The following VAPA variants were observed in gnomAD, a reference collection of about 807,000 sequenced individuals.
VAPA encodes vesicle-associated membrane protein-associated protein A.
A neutral mutation model predicts 25.6 loss-of-function variants in VAPA; 6 were observed. The observed-to-expected ratio is 0.23, with a 90% CI of 0.13 to 0.46. The LOEUF is 0.46. VAPA is among the 20% of genes least tolerant of loss of function. VAPA has a pLI of 0.99. For missense variants in VAPA, 244 were observed against 302.1 expected, an observed-to-expected ratio of 0.81 and a Z score of 1.43; for synonymous variants, 112 against 106.2, an observed-to-expected ratio of 1.05 and a Z score of -0.34.
chr18:9,915,711 T>C (rs1264978744), intron 1 of VAPA: 1 of 152,242 alleles, frequency 6.6e-6, no homozygotes, highest in Non-Finnish European at 1.5e-5. Flanking sequence ...GGTTTAGGAA[T>C]TTAAAATATA....
chr18:9,936,868 C>G, intron 3 of VAPA, 118 bp from the exon 4 acceptor site: 1 of 729,550 alleles, frequency 1.4e-6, no homozygotes, highest in Non-Finnish European at 2.4e-6. Context: ...AAAGAGTGCA[C>G]CAGTGTGTTT....
At chr18:9,915,773 G>A (rs2069107153) in intron 1 of VAPA, 1 of 152,170 alleles carries the variant, frequency 6.6e-6, no homozygotes, top group African/African-American at 2.4e-5. Context: ...GCTTTTTAGT[G>A]CGTTTACAAA....
intron 1 of VAPA, among the ~76,000 whole-genome samples, chr18:9,930,699 TAAA>T (rs1555615841): frequency 1.1e-3 from 167 of 150,406 alleles, no homozygotes; most frequent in African/African-American, 3.9e-3. Context: ...GCTTTTTTTT[TAAA>T]AAAAAAATGC....
At chr18:9,922,825 T>C (rs2069168424) in intron 1 of VAPA, among the ~76,000 whole-genome samples, 1 of 152,206 alleles carries the variant, frequency 6.6e-6, no homozygotes, top group South Asian at 2.1e-4. Context: ...TCATTTCCTG[T>C]GCCATTGAAT....
chr18:9,929,470 C>G (rs532196528), intron 1 of VAPA, among the ~76,000 whole-genome samples: 1 of 152,126 alleles, frequency 6.6e-6, no homozygotes, highest in Non-Finnish European at 1.5e-5. Context: ...TACAACCCCT[C>G]CATCCCTGAA....
At chr18:9,942,386 TCTC>T (rs568941939) in intron 4 of VAPA, among the ~76,000 whole-genome samples, 3 of 152,194 alleles carry the variant, frequency 2.0e-5, no homozygotes, top group African/African-American at 7.2e-5. Flanking sequence ...GTTGATGCAC[TCTC>T]CTCAAATATT....
chr18:9,921,038 C>T (rs2069152724), intron 1 of VAPA, among the ~76,000 whole-genome samples: 1 of 152,214 alleles, frequency 6.6e-6, no homozygotes, highest in South Asian at 2.1e-4. Flanking sequence ...TACATATTCT[C>T]CCCTCCCAAA....
rs565751340 is a variant in VAPA, at chr18:9,957,316, C to T, written c.*3105C>T. The T allele has an allele frequency of 6.6e-6, 1 of 152,294 alleles. No individual in the cohort carries two copies. Among genetic ancestry groups the T allele is most frequent in the South Asian group, 2.1e-4 (1 of 4,822 alleles). 9.4% of individuals were successfully genotyped at this position (152,294 alleles called of 1,614,324 possible). Reference sequence around the variant, plus strand: ...GGGATTACAGGTGTGAGCTGCCGCACCCAGCCAAGAAAAATAATACTCTTA... The same window carrying T: ...GGGATTACAGGTGTGAGCTGCCGCATCCAGCCAAGAAAAATAATACTCTTA... On this transcript the variant is annotated 3_prime_UTR_variant, in exon 6 of 6. Transcript: ENST00000400000.
chr18:9,943,831 A>C (rs1288182319), intron 4 of VAPA, among the ~76,000 whole-genome samples: 1 of 130,686 alleles, frequency 7.7e-6, no homozygotes, highest in Admixed American at 8.1e-5. Flanking sequence ...TTTGAAGGTG[A>C]CATATTTCCC....
At chr18:9,948,174 A>T (rs188810647) in intron 4 of VAPA, 2 of 152,176 alleles carry the variant, frequency 1.3e-5, no homozygotes, top group Non-Finnish European at 2.9e-5. Context: ...ATCTAATTCT[A>T]TTTGCTTAGA....
rs776329993 is a variant in VAPA at position 9,936,208 on chromosome 18, G to T, written c.331G>T (p.Ala111Ser). 6.3e-7 allele frequency: 1 copy of T among 1,595,570 alleles called. No homozygotes were observed. The highest frequency in any genetic ancestry group is 8.5e-7 in the Non-Finnish European group (1 of 1,169,638). Reference protein sequence around the residue: ...FAPPNTSDMEAVWKEAKPDEL... With the variant: ...FAPPNTSDMESVWKEAKPDEL... ...TCCACCAAACACTTCAGATATGGAAGCTGTGGTAAGTATAGAAGAAGAATT... is the reference window on the plus strand; with the variant it reads ...TCCACCAAACACTTCAGATATGGAATCTGTGGTAAGTATAGAAGAAGAATT... Residue 111 changes from alanine to serine, a missense_variant, in exon 3 of 6, where the codon GCT becomes TCT. This residue lies in a region of VAPA where 99 missense variants were observed against 161.6 expected (regional missense o/e 0.61). Coordinates refer to ENST00000400000, the MANE Select transcript of VAPA (RefSeq NM_194434.3).
At chr18:9,925,398 TATG>T (rs2069192121) in intron 1 of VAPA, among the ~76,000 whole-genome samples, 2 of 152,180 alleles carry the variant, frequency 1.3e-5, no homozygotes, top group Admixed American at 6.5e-5. Context: ...TCCATACTTT[TATG>T]ATGTTAGTGA....
rs76630845 is a variant in VAPA at position 9,939,352 on chromosome 18, C to T, written c.417+2286C>T. On this transcript the variant is annotated intron_variant, in intron 4 of 5. Transcript: ENST00000400000. ...CTAATTTTTGTATTTTTTGTAGAGA[C>T]GGGATTTTGCCAGGTTGGTCTCAAA... Among the ~76,000 whole-genome samples the T allele has an allele frequency of 7.0e-4, 106 of 151,814 alleles. No homozygotes were observed. In the East Asian group the frequency reaches 0.017, roughly 24 times the overall value.
intron 1 of VAPA, among the ~76,000 whole-genome samples, chr18:9,922,509 A>T (rs2069165454): frequency 6.6e-6 from 1 of 152,166 alleles, no homozygotes; most frequent in African/African-American, 2.4e-5. Context: ...AATCAGGTAT[A>T]CCTGGTCTCA....
At chr18:9,951,344 G>T (rs1434873523) in intron 5 of VAPA, 1 of 152,228 alleles carries the variant, frequency 6.6e-6, no homozygotes, top group Non-Finnish European at 1.5e-5. Flanking sequence ...CCTTTGCTGG[G>T]ACCCTCTCCA....
At position 9,934,265 on chromosome 18, in the gene VAPA, A is replaced by G. The variant is rs552914964; in HGVS notation, c.233-1845A>G. Among the ~76,000 whole-genome samples the G allele has an allele frequency of 1.7e-3, 265 of 152,180 alleles. 1 individual carries two copies. Among genetic ancestry groups the G allele is most frequent in the Admixed American group, 3.6e-3 (55 of 15,282 alleles). ...TTTGAATTTGCTTCAATTTGTGCAC[A>G]TTTTTATATATGTTTTCAAGATCGT... On this transcript the variant is annotated intron_variant, in intron 2 of 5. Coordinates refer to ENST00000400000, the MANE Select transcript of VAPA (RefSeq NM_194434.3).
rs1160239976 is a variant in VAPA, at chr18:9,956,593, ACT to A, written c.*2385_*2386del. 2 of 152,208 alleles carry A rather than the reference ACT, an allele frequency of 1.3e-5. No individual in the cohort carries two copies. Among genetic ancestry groups the A allele is most frequent in the African/African-American group, 4.8e-5 (2 of 41,250 alleles). The allele number at this position is 152,208 out of a possible 1,614,324, so 9.4% of individuals were successfully genotyped here. On this transcript the variant is annotated 3_prime_UTR_variant, in exon 6 of 6. Transcript: ENST00000400000. ...GAGATGCTCTGATTGTATAGGTGAG[ACT>A]CTGTTTCTGTTATTTTTAATTGCTG...
At chr18:9,951,761 G>T (rs1170028125) in intron 5 of VAPA, among the ~76,000 whole-genome samples, 5 of 152,130 alleles carry the variant, frequency 3.3e-5, no homozygotes. Flanking sequence ...CTTTTGTTAG[G>T]TGTATGTAGG....
At chr18:9,946,769 A>G (rs1221359541) in intron 4 of VAPA, among the ~76,000 whole-genome samples, 1 of 152,106 alleles carries the variant, frequency 6.6e-6, no homozygotes, top group Non-Finnish European at 1.5e-5. Context: ...GACTTTATAA[A>G]CACTGTACAC....
Sources: allele counts gnomAD v4.1 joint callset (sites outside exome capture counted in the v4.1 genomes callset), GRCh38; gene constraint gnomAD v4.1.1; regional missense constraint gnomAD v4.1.1; transcripts MANE v1.5; gene names NCBI Gene and HGNC (gene_info 2026-07-23, HGNC 2026-07-21).